COG4: variants seen among roughly 807,000 people sequenced by gnomAD.
The protein encoded by COG4 is conserved oligomeric Golgi complex subunit 4.
In COG4, 65 loss-of-function variants were observed where a neutral mutation model predicts 95.1. The observed-to-expected ratio is 0.68, with a 90% confidence interval of 0.56 to 0.84. The LOEUF is 0.84. Ranked by LOEUF, COG4 falls within the 40% of genes least tolerant of loss-of-function variation. COG4 has a pLI of 0.00. For missense variants in COG4, 1,045 were observed against 989.1 expected, an observed-to-expected ratio of 1.06 and a Z score of -0.76; for synonymous variants, 421 against 374.8, an observed-to-expected ratio of 1.12 and a Z score of -1.42.
At chr16:70,504,609 TAAAAAA>T (rs66751123) in intron 8 of COG4, among the ~76,000 whole-genome samples, 48,943 of 122,020 alleles carry the variant, frequency 0.4, 9,094 homozygotes, top group South Asian at 0.64. Flanking sequence ...AGATTCTATT[TAAAAAA>T]AAAAAAAAAA....
chr16:70,500,624 G>T (rs1001606793), intron 9 of COG4, among the ~76,000 whole-genome samples: 1 of 152,072 alleles, frequency 6.6e-6, no homozygotes, highest in African/African-American at 2.4e-5. Flanking sequence ...GTCTCCCAAA[G>T]TGCTGGGATT....
At chr16:70,521,482 A>G (rs970388832) in intron 1 of COG4, among the ~76,000 whole-genome samples, 2 of 152,056 alleles carry the variant, frequency 1.3e-5, no homozygotes, top group East Asian at 3.9e-4. Context: ...TCGGCCTCCC[A>G]AACTGCTGGT....
At chr16:70,516,578 G>A (rs2049827683) in intron 3 of COG4, among the ~76,000 whole-genome samples, 2 of 152,090 alleles carry the variant, frequency 1.3e-5, no homozygotes, top group South Asian at 4.1e-4. Context: ...CTACAGGCGT[G>A]AGCCACCGCG....
Position 70,519,663 on chromosome 16 carries a change from A to C in COG4, c.240T>G (p.Thr80=), listed in dbSNP as rs757906197. ...CACAGACTCACCCCATTCGGTGGAGAGTGACCATCTTACTTTCAATGGTGT... is the reference window on the plus strand; with the variant it reads ...CACAGACTCACCCCATTCGGTGGAGCGTGACCATCTTACTTTCAATGGTGT... ...QQNTIESKMV[T]LHRMGPNLQL... is the part of the protein sequence containing the mutation. The change falls in exon 2 of 19, where the codon ACT becomes ACG. Residue 80 remains threonine (T), a synonymous_variant. Transcript: ENST00000323786. The C allele has an allele frequency of 6.2e-7, 1 of 1,613,114 alleles. No individual in the cohort carries two copies. The highest frequency in any genetic ancestry group is 1.3e-5 in the African/African-American group (1 of 74,912).
intron 3 of COG4, 23 bp from the exon 4 acceptor site, chr16:70,514,532 C>G (rs767428836): frequency 7.5e-6 from 12 of 1,609,776 alleles, no homozygotes; most frequent in Non-Finnish European, 1.0e-5. Flanking sequence ...TTGGTACTTA[C>G]AAACAATGTC....
intron 4 of COG4, 50 bp downstream of exon 4, chr16:70,514,285 A>T: frequency 6.4e-7 from 1 of 1,561,160 alleles, no homozygotes; most frequent in Non-Finnish European, 8.8e-7. Flanking sequence ...CTTACTTCAG[A>T]TTACAGATGA....
At chr16:70,507,837 G>C (rs2049610215) in intron 8 of COG4, among the ~76,000 whole-genome samples, 1 of 151,302 alleles carries the variant, frequency 6.6e-6, no homozygotes, top group East Asian at 1.9e-4. Flanking sequence ...ACTCCAGCGT[G>C]GGTGACAGAG....
chr16:70,480,728 G>C lies in COG4; in HGVS notation c.*282C>G. On this transcript the variant is annotated 3_prime_UTR_variant, in exon 19 of 19. Transcript: ENST00000323786. ...TGAGGGCAAGAGACTGACCATCCATGCAGAAAGCTGGCCTGGGCTGCTCGC... is the reference window on the plus strand; with the variant it reads ...TGAGGGCAAGAGACTGACCATCCATCCAGAAAGCTGGCCTGGGCTGCTCGC... The C allele has an allele frequency of 2.1e-6, 1 of 481,410 alleles. No individual in the cohort carries two copies. The highest frequency in any genetic ancestry group is 2.2e-5 in the South Asian group (1 of 46,354). The allele number at this position is 481,410 out of a possible 1,614,324, so 29.8% of individuals were successfully genotyped here.
chr16:70,523,254 T>A, intron 1 of COG4, 119 bp downstream of exon 1: 1 of 1,296,920 alleles, frequency 7.7e-7, no homozygotes, highest in Non-Finnish European at 1.1e-6. Flanking sequence ...TCCGCTTCTT[T>A]GTTTTCCCGC....
rs562343570 is a variant in COG4, at chr16:70,482,035, G to A, written c.2004+57C>T. On this transcript the variant is annotated intron_variant, in intron 16 of 18. Coordinates refer to ENST00000323786, the MANE Select transcript of COG4 (RefSeq NM_015386.3). ...GGAATGTGATGAGACCCTGCAGGCT[G>A]CTGGTTTGGGCTGACGTGGGTAATT... The A allele has an allele frequency of 3.3e-5, 48 of 1,460,388 alleles. No homozygotes were observed. In the South Asian group the frequency reaches 5.2e-4, roughly 16 times the overall value. 90.5% of individuals were successfully genotyped at this position (1,460,388 alleles called of 1,614,324 possible).
At chr16:70,505,896 G>C (rs895268101) in intron 8 of COG4, among the ~76,000 whole-genome samples, 1 of 152,160 alleles carries the variant, frequency 6.6e-6, no homozygotes, top group Non-Finnish European at 1.5e-5. Context: ...TGTAATTCCA[G>C]TGCTTTGGGA....
chr16:70,497,138 G>A (rs1387340444), intron 11 of COG4, 83 bp downstream of exon 11: 8 of 1,329,046 alleles, frequency 6.0e-6, no homozygotes, highest in Non-Finnish European at 8.7e-6. Context: ...GAATCATGAG[G>A]ACAAAGGGCA....
intron 13 of COG4, among the ~76,000 whole-genome samples, chr16:70,487,120 G>A (rs1291278521): frequency 2.6e-5 from 4 of 151,344 alleles, no homozygotes; most frequent in African/African-American, 9.7e-5. Context: ...GTGAAACCTC[G>A]TTTCTACTAA....
At chr16:70,515,079 A>C (rs1047475465) in intron 3 of COG4, among the ~76,000 whole-genome samples, 7 of 149,112 alleles carry the variant, frequency 4.7e-5, no homozygotes, top group African/African-American at 1.8e-4. Flanking sequence ...ACAGTGGTGC[A>C]ATCTTGGCTC....
intron 7 of COG4, chr16:70,508,843 T>A (rs1421879957): frequency 3.7e-6 from 2 of 534,208 alleles, no homozygotes; most frequent in Non-Finnish European, 7.2e-6. Flanking sequence ...GCAAACGTTA[T>A]CTTTAACATC....
intron 3 of COG4, among the ~76,000 whole-genome samples, chr16:70,515,202 G>C (rs1453135696): frequency 2.0e-5 from 3 of 151,892 alleles, no homozygotes; most frequent in Non-Finnish European, 4.4e-5. Context: ...TTTTTGTAGA[G>C]ACAAGGTTTT....
chr16:70,509,928 G>C lies in COG4; in HGVS notation c.832C>G (p.Leu278Val). The change falls in exon 6 of 19, where the codon CTT becomes GTT. Residue 278 changes from leucine (L) to valine (V), a missense_variant. Leu to Val is a conservative substitution (Grantham distance 32). Coordinates refer to ENST00000323786, the MANE Select transcript of COG4 (RefSeq NM_015386.3). ...GAAAGAGGCTCACCTTCAAACAGAA[G>C]AGTAAGTGTATCTGCAAAGATGACT... ...AAVIFADTLTLLFEGIARIVE... is the reference protein window; with the variant it reads ...AAVIFADTLTVLFEGIARIVE... The C allele has an allele frequency of 6.2e-7, 1 of 1,613,386 alleles. No individual in the cohort carries two copies. The highest frequency in any genetic ancestry group is 8.5e-7 in the Non-Finnish European group (1 of 1,179,388).
chr16:70,506,965 A>C, intron 8 of COG4, among the ~76,000 whole-genome samples: 1 of 152,098 alleles, frequency 6.6e-6, no homozygotes, highest in Non-Finnish European at 1.5e-5. Context: ...TAATCCCATC[A>C]CTTTGGGAAG....
chr16:70,516,378 G>C (rs1281695120), intron 3 of COG4, among the ~76,000 whole-genome samples: 2 of 151,346 alleles, frequency 1.3e-5, no homozygotes, highest in Non-Finnish European at 2.9e-5. Context: ...CTCACTGTAA[G>C]CTCTGCCTTC....
Sources: allele counts gnomAD v4.1 joint callset (sites outside exome capture counted in the v4.1 genomes callset), GRCh38; gene constraint gnomAD v4.1.1; transcripts MANE v1.5; gene names NCBI Gene and HGNC (gene_info 2026-07-23, HGNC 2026-07-21).